Variants in PARD3B observed in about 807,000 individuals in gnomAD.
PARD3B encodes par-3 family cell polarity regulator beta.
PARD3B carries 103 observed loss-of-function variants against 130.2 expected under a neutral mutation model. That is an observed-to-expected ratio of 0.79 (90% CI 0.67 to 0.93). The LOEUF is 0.93. PARD3B is among the 40% of genes least tolerant of loss of function. PARD3B has a pLI of 0.00. For missense variants in PARD3B, 1,609 were observed against 1,499.2 expected, an observed-to-expected ratio of 1.07 and a Z score of -1.21; for synonymous variants, 583 against 553.2, an observed-to-expected ratio of 1.05 and a Z score of -0.76.
Position 205,590,253 on chromosome 2 carries a change from T to TA in PARD3B, c.3261-25199dup, listed in dbSNP as rs929923643. Among the ~76,000 whole-genome samples the TA allele has an allele frequency of 6.6e-6, 1 of 152,202 alleles. No homozygotes were observed. Among genetic ancestry groups the TA allele is most frequent in the Non-Finnish European group, 1.5e-5 (1 of 68,028 alleles). On this transcript the variant is annotated intron_variant, in intron 22 of 22. Transcript: ENST00000406610. This position sits in a 1 kb window ranked among gnomAD's most constrained non-coding sequence, Gnocchi z 4.1. Reference sequence around the variant, plus strand: ...TCAGGTTCAGCTACCCAAGATCTCATAAAAGGCTGTCAGCACTTGGCTTCT... The same window carrying TA: ...TCAGGTTCAGCTACCCAAGATCTCATAAAAAGGCTGTCAGCACTTGGCTTCT...
intron 18 of PARD3B, among the ~76,000 whole-genome samples, chr2:205,320,351 A>C (rs1314441233): frequency 1.3e-5 from 2 of 152,182 alleles, no homozygotes; most frequent in African/African-American, 4.8e-5. Flanking sequence ...TCTCTGCTGG[A>C]AGGAACCCTC....
chr2:204,590,081 T>C (rs575494370), intron 1 of PARD3B, among the ~76,000 whole-genome samples: 93 of 152,286 alleles, frequency 6.1e-4, no homozygotes, highest in African/African-American at 2.1e-3. Context: ...ATAACAAATA[T>C]GCCATTATTA....
rs186285005 is a variant in PARD3B, at chr2:204,931,511, G to T, written c.223-33641G>T. On this transcript the variant is annotated intron_variant, in intron 2 of 22. Coordinates refer to ENST00000406610, the MANE Select transcript of PARD3B (RefSeq NM_001302769.2). ...ATGAGGTTTTATTAAAATTAGTTGA[G>T]TTTGGAAAACTTTGTAAGATAGCCA... Among the ~76,000 whole-genome samples the T allele has an allele frequency of 2.0e-5, 3 of 151,846 alleles. No individual in the cohort carries two copies. In the East Asian group the frequency reaches 5.8e-4, roughly 29 times the overall value.
intron 3 of PARD3B, among the ~76,000 whole-genome samples, chr2:204,993,790 T>C (rs2125249662): frequency 6.6e-6 from 1 of 150,384 alleles, no homozygotes; most frequent in East Asian, 2.0e-4. Context: ...ATTCAACTTC[T>C]TCCTGGTTTA....
At position 204,643,115 on chromosome 2, in the gene PARD3B, C is replaced by CAAAAAA. The variant is rs71029202; in HGVS notation, c.121-43050_121-43045dup. On this transcript the variant is annotated intron_variant, in intron 1 of 22. Coordinates refer to ENST00000406610, the MANE Select transcript of PARD3B (RefSeq NM_001302769.2). ...GGCGACAGAGGGAGACTCTGTCTCA[C>CAAAAAA]AAAAAAAAAAAAAAAAAAAAATGTT... is the stretch of plus-strand genomic sequence containing the variant. Among the ~76,000 whole-genome samples the CAAAAAA allele has an allele frequency of 3.1e-3, 98 of 31,810 alleles. 15 individuals carry two copies. The East Asian group carries it at 0.059, about 19-fold the overall frequency. The allele number at this position is 31,810 out of a possible 152,430, so 20.9% of individuals were successfully genotyped here.
chr2:205,047,102 T>A (rs1698839828), intron 3 of PARD3B, among the ~76,000 whole-genome samples: 1 of 152,212 alleles, frequency 6.6e-6, no homozygotes, highest in Non-Finnish European at 1.5e-5. Flanking sequence ...ATTAATGTTG[T>A]AACCCCAGCA....
chr2:204,771,345 C>T (rs547034215), intron 2 of PARD3B, among the ~76,000 whole-genome samples: 29 of 152,158 alleles, frequency 1.9e-4, no homozygotes, highest in South Asian at 1.5e-3. Flanking sequence ...TGACCACAGG[C>T]ACTCACAGAT....
At chr2:205,047,462 A>G in intron 3 of PARD3B, 119 bp from the exon 4 acceptor site, 1 of 577,824 alleles carries the variant, frequency 1.7e-6, no homozygotes, top group Non-Finnish European at 3.0e-6. Flanking sequence ...GCATCCTTAG[A>G]AATAGAATGT....
At chr2:205,075,732 CATGAAA>C (rs1490530349) in intron 4 of PARD3B, among the ~76,000 whole-genome samples, 1 of 149,198 alleles carries the variant, frequency 6.7e-6, no homozygotes, top group Non-Finnish European at 1.5e-5. Flanking sequence ...CTGATACAAT[CATGAAA>C]ATATACAAGA....
chr2:205,536,932 T>C (rs965475770), intron 21 of PARD3B, among the ~76,000 whole-genome samples: 5 of 152,188 alleles, frequency 3.3e-5, no homozygotes, highest in Admixed American at 3.3e-4. Flanking sequence ...TGAATTGGCG[T>C]TGTACATTTT....
intron 15 of PARD3B, among the ~76,000 whole-genome samples, chr2:205,199,837 A>G (rs2125822716): frequency 6.6e-6 from 1 of 152,270 alleles, no homozygotes; most frequent in Admixed American, 6.5e-5. Flanking sequence ...GCCGTCCCTG[A>G]TCATCAGAAA....
chr2:205,612,431 C>T (rs757898291), intron 22 of PARD3B, among the ~76,000 whole-genome samples: 2 of 152,030 alleles, frequency 1.3e-5, no homozygotes, highest in African/African-American at 2.4e-5. Context: ...CATGAGCCAC[C>T]GCCCCCGGCC....
chr2:205,475,904 A>G (rs1239075416), intron 20 of PARD3B, among the ~76,000 whole-genome samples: 1 of 152,166 alleles, frequency 6.6e-6, no homozygotes, highest in Non-Finnish European at 1.5e-5. Flanking sequence ...ATATGCTTCC[A>G]GGATTCCTTT....
At chr2:205,491,253 A>G (rs1156450523) in intron 20 of PARD3B, among the ~76,000 whole-genome samples, 1 of 152,210 alleles carries the variant, frequency 6.6e-6, no homozygotes, top group African/African-American at 2.4e-5. Context: ...TTAACATTTA[A>G]GTCTTTAATC....
chr2:205,250,473 A>T (rs2039794600), intron 16 of PARD3B, among the ~76,000 whole-genome samples: 5 of 152,184 alleles, frequency 3.3e-5, no homozygotes, highest in Admixed American at 3.3e-4. Context: ...AGTGTGTGAA[A>T]GTAATGGTTG....
At chr2:204,867,600 T>C (rs1213700240) in intron 2 of PARD3B, among the ~76,000 whole-genome samples, 1 of 152,218 alleles carries the variant, frequency 6.6e-6, no homozygotes, top group African/African-American at 2.4e-5. Flanking sequence ...TGAGCATTGT[T>C]CCATGTGCTT....
chr2:204,773,366 A>G lies in PARD3B; in HGVS notation c.222+87084A>G, dbSNP rs1256947081. Among the ~76,000 whole-genome samples, 5 of 152,012 alleles carry G rather than the reference A, an allele frequency of 3.3e-5. No individual in the cohort carries two copies. The East Asian group carries it at 7.7e-4, about 24-fold the overall frequency. On this transcript the variant is annotated intron_variant, in intron 2 of 22. Coordinates refer to ENST00000406610, the MANE Select transcript of PARD3B (RefSeq NM_001302769.2). ...ACAATGCAAATATATTGTTTTTGCA[A>G]TATATATTTGCAAATATTTGCATAT...
At chr2:205,035,163 A>T (rs1448767531) in intron 3 of PARD3B, among the ~76,000 whole-genome samples, 1 of 152,076 alleles carries the variant, frequency 6.6e-6, no homozygotes, top group Admixed American at 6.6e-5. Flanking sequence ...ACACCTGGCC[A>T]GCCATGTGTT....
chr2:205,583,870 G>T (rs2106579029), intron 22 of PARD3B, among the ~76,000 whole-genome samples: 1 of 152,032 alleles, frequency 6.6e-6, no homozygotes, highest in South Asian at 2.1e-4. Context: ...TTCTAACTCT[G>T]TCTACACAAC....
Sources: allele counts gnomAD v4.1 joint callset (sites outside exome capture counted in the v4.1 genomes callset), GRCh38; gene constraint gnomAD v4.1.1; non-coding constraint Gnocchi (gnomAD v3.1); transcripts MANE v1.5; gene names NCBI Gene and HGNC (gene_info 2026-07-23, HGNC 2026-07-21).